Variants in GDPD1 observed in about 807,000 individuals in gnomAD.
The protein encoded by GDPD1 is lysophospholipase D GDPD1.
A neutral mutation model predicts 45.1 loss-of-function variants in GDPD1; 28 were observed. The observed-to-expected ratio is 0.62, with a 90% CI of 0.46 to 0.85. GDPD1 has a LOEUF of 0.85. Among genes scored for constraint, GDPD1 ranks in the 40% least tolerant of loss-of-function variants. GDPD1 has a pLI of 0.00. For missense variants in GDPD1, 256 were observed against 364.8 expected (o/e 0.70, Z 2.43); for synonymous variants, 139 against 131.4 (o/e 1.06, Z -0.40).
intron 3 of GDPD1, among the ~76,000 whole-genome samples, chr17:59,247,235 A>G (rs553890219): frequency 6.6e-6 from 1 of 152,312 alleles, no homozygotes; most frequent in Middle Eastern, 3.4e-3. Flanking sequence ...TTGACACAAT[A>G]TTAATGCTCA....
At chr17:59,226,360 A>G (rs1032410200) in intron 1 of GDPD1, among the ~76,000 whole-genome samples, 1 of 152,080 alleles carries the variant, frequency 6.6e-6, no homozygotes, top group Admixed American at 6.6e-5. Flanking sequence ...AAAAAAACCT[A>G]TACCCTTCAT....
At chr17:59,260,037 GGTGACGGA>G (rs2047342215) in intron 6 of GDPD1, among the ~76,000 whole-genome samples, 1 of 114,592 alleles carries the variant, frequency 8.7e-6, no homozygotes, top group African/African-American at 3.5e-5. Context: ...CTCCAGCCTG[GGTGACGGA>G]GCCAGACCCT....
In GDPD1 at chr17:59,274,097, A is replaced by C; in HGVS notation, c.*324A>C. 1.3e-6 allele frequency: 1 copy of C among 766,416 alleles called. No homozygotes were observed. The highest frequency in any genetic ancestry group is 1.9e-5 in the African/African-American group (1 of 52,940). 47.5% of individuals were successfully genotyped at this position (766,416 alleles called of 1,614,324 possible). ...ACATACACAGAAATGTACATACTAC[A>C]TCATCTACAGAAATCTTGATCAATA... On this transcript the variant is annotated 3_prime_UTR_variant, in exon 10 of 10. Coordinates refer to ENST00000284116, the MANE Select transcript of GDPD1 (RefSeq NM_182569.4).
At chr17:59,236,338 T>G (rs546770739) in intron 2 of GDPD1, among the ~76,000 whole-genome samples, 1 of 152,324 alleles carries the variant, frequency 6.6e-6, no homozygotes, top group East Asian at 1.9e-4. Context: ...TGAACAGTTT[T>G]TATATAGTTT....
rs781614829 is a variant in GDPD1, at chr17:59,275,137, C to T, written c.*1364C>T. 1.6e-5 allele frequency: 25 copies of T among 1,535,570 alleles called. No individual in the cohort carries two copies. The highest frequency in any genetic ancestry group is 1.5e-4 in the South Asian group (13 of 84,002). Reference sequence around the variant, plus strand: ...GATTACAGGTTTGAACCACTGCACCCGGCCAGTAAAAGAAATTTTGAAGGC... The same window carrying T: ...GATTACAGGTTTGAACCACTGCACCTGGCCAGTAAAAGAAATTTTGAAGGC... On this transcript the variant is annotated 3_prime_UTR_variant, in exon 10 of 10. Transcript: ENST00000284116.
chr17:59,233,609 ATATAGG>A (rs1227834905), intron 1 of GDPD1, among the ~76,000 whole-genome samples: 2 of 152,004 alleles, frequency 1.3e-5, no homozygotes, highest in East Asian at 3.8e-4. Flanking sequence ...TTAACAACTG[ATATAGG>A]TATTCTGGTG....
At chr17:59,255,789 G>GAA (rs2047296687) in intron 4 of GDPD1, among the ~76,000 whole-genome samples, 1 of 38,826 alleles carries the variant, frequency 2.6e-5, no homozygotes, top group African/African-American at 2.1e-4. Context: ...ATATATACGC[G>GAA]TATATATGTA....
chr17:59,229,655 G>A (rs528172719), intron 1 of GDPD1, among the ~76,000 whole-genome samples: 137 of 152,134 alleles, frequency 9.0e-4, no homozygotes, highest in African/African-American at 3.1e-3. Flanking sequence ...GAGCCACCAC[G>A]CCCAGCCATA....
At chr17:59,234,053 A>G (rs1159316049) in intron 1 of GDPD1, among the ~76,000 whole-genome samples, 1 of 152,108 alleles carries the variant, frequency 6.6e-6, no homozygotes, top group Non-Finnish European at 1.5e-5. Context: ...AGCATTTTGG[A>G]TAAGGGATAC....
In GDPD1 at chr17:59,263,226, C is replaced by T. The variant is rs143286276; in HGVS notation, c.577-3815C>T. 4.9e-3 allele frequency among the ~76,000 whole-genome samples: 743 copies of T among 151,884 alleles called. 6 individuals are homozygous for T. Among genetic ancestry groups the T allele is most frequent in the Non-Finnish European group, 8.4e-3 (572 of 67,950 alleles). ...TTGAAATTTTTTGTAGAGATGGAGT[C>T]TCTCTGTATTGCCCAGGCTGGTCTC... On this transcript the variant is annotated intron_variant, in intron 6 of 9. Transcript: ENST00000284116.
intron 6 of GDPD1, among the ~76,000 whole-genome samples, chr17:59,262,796 T>C (rs1186983785): frequency 1.3e-5 from 2 of 151,924 alleles, no homozygotes; most frequent in South Asian, 4.2e-4. Flanking sequence ...CCTGCCTAAT[T>C]TTTGTATTTT....
intron 6 of GDPD1, among the ~76,000 whole-genome samples, chr17:59,262,963 G>C (rs2047369373): frequency 6.6e-6 from 1 of 152,178 alleles, no homozygotes; most frequent in African/African-American, 2.4e-5. Context: ...GTGGTTACAT[G>C]AATCTATACA....
chr17:59,237,866 TC>T (rs1300857568), intron 2 of GDPD1, among the ~76,000 whole-genome samples: 3 of 150,760 alleles, frequency 2.0e-5, no homozygotes, highest in African/African-American at 7.3e-5. Flanking sequence ...GATGAGGAGT[TC>T]GAGACCAGCT....
intron 4 of GDPD1, among the ~76,000 whole-genome samples, chr17:59,252,710 G>T (rs1411262956): frequency 3.3e-5 from 5 of 150,676 alleles, no homozygotes; most frequent in Non-Finnish European, 7.4e-5. Flanking sequence ...AAAAAAATAC[G>T]CTGAATTGGC....
chr17:59,255,857 G>GTA (rs752195481), intron 4 of GDPD1, among the ~76,000 whole-genome samples: 1,440 of 40,828 alleles, frequency 0.035, 121 homozygotes, highest in African/African-American at 0.097. Context: ...ATATACACAC[G>GTA]TATATATATA....
chr17:59,270,964 A>G lies in GDPD1; in HGVS notation c.739A>G (p.Ser247Gly), dbSNP rs2047439764. 9 of 1,605,688 alleles carry G rather than the reference A, an allele frequency of 5.6e-6. No homozygotes were observed. In the East Asian group the frequency reaches 2.0e-4, roughly 36 times the overall value. The change falls in exon 8 of 10, where the codon AGT (serine) becomes GGT (glycine). Residue 247 changes from serine (S) to glycine (G), a missense_variant. By Grantham distance (56) the Ser-to-Gly change is moderately conservative. Transcript: ENST00000284116. ...KLKEPHTMSR[S>G]QKFLIWLSDL... ...AAAAGAACCACACACCATGTCCAGA[A>G]GTCAAAAGTTTCTCATCTGGCTTTC...
intron 6 of GDPD1, among the ~76,000 whole-genome samples, chr17:59,262,505 GA>G (rs144939207): frequency 0.024 from 3,637 of 152,202 alleles, 149 homozygotes; most frequent in African/African-American, 0.083. Flanking sequence ...CTGTATTGTA[GA>G]TTCCATTAAC....
rs377332693 is a variant in GDPD1, at chr17:59,259,594, CA to C, written c.576+1760del. 8.3e-3 allele frequency among the ~76,000 whole-genome samples: 802 copies of C among 97,074 alleles called. 6 individuals carry two copies. The highest frequency in any genetic ancestry group is 0.03 in the African/African-American group (761 of 25,330). 63.7% of individuals were successfully genotyped at this position (97,074 alleles called of 152,430 possible). A position where few individuals can be genotyped will look rare whatever the true frequency, so the allele number is the denominator to read the frequency against. ...AAAAAAAAAAAAAAAAAAAAAAATA[CA>C]AAAAATAGCCAGGCGTGGTGGCGTG... On this transcript the variant is annotated intron_variant, in intron 6 of 9. Transcript: ENST00000284116.
chr17:59,235,099 T>C (rs2047121588), intron 2 of GDPD1, among the ~76,000 whole-genome samples: 1 of 152,126 alleles, frequency 6.6e-6, no homozygotes, highest in African/African-American at 2.4e-5. Flanking sequence ...TAATACCTCG[T>C]TCTTTGTCTT....
Sources: allele counts gnomAD v4.1 joint callset (sites outside exome capture counted in the v4.1 genomes callset), GRCh38; gene constraint gnomAD v4.1.1; transcripts MANE v1.5; gene names NCBI Gene and HGNC (gene_info 2026-07-23, HGNC 2026-07-21).